Variants in LIMS1 observed in about 807,000 individuals in gnomAD.
The protein encoded by LIMS1 is LIM and senescent cell antigen-like-containing domain protein 1.
Under a neutral mutation model 44.1 loss-of-function variants are expected in LIMS1, and 18 were observed. The observed-to-expected ratio is 0.41, with a 90% CI of 0.28 to 0.61. The LOEUF (loss-of-function observed/expected upper bound fraction) is 0.61, where lower values mean the gene tolerates loss of function less well. Among genes scored for constraint, LIMS1 ranks in the 20% least tolerant of loss-of-function variants. The pLI is 0.32. For synonymous variants in LIMS1, 93 were observed against 149.1 expected, an observed-to-expected ratio of 0.62 and a Z score of 2.74; for missense variants, 201 against 422.0, an observed-to-expected ratio of 0.48 and a Z score of 4.59.
intron 1 of LIMS1, among the ~76,000 whole-genome samples, chr2:108,567,144 A>C (rs1415433570): frequency 6.6e-6 from 1 of 152,242 alleles, no homozygotes; most frequent in East Asian, 1.9e-4. Flanking sequence ...TGATGAGAAC[A>C]AAAAATTGAT....
At chr2:108,551,668 A>G (rs926584352) in intron 1 of LIMS1, among the ~76,000 whole-genome samples, 1 of 142,742 alleles carries the variant, frequency 7.0e-6, no homozygotes, top group East Asian at 2.0e-4. Context: ...GTATATACAC[A>G]TATATACATA....
At chr2:108,666,070 G>A (rs1691735700) in intron 2 of LIMS1, among the ~76,000 whole-genome samples, 1 of 151,378 alleles carries the variant, frequency 6.6e-6, no homozygotes, top group Non-Finnish European at 1.5e-5. Flanking sequence ...GTTCTGCAGT[G>A]GACACCAGCT....
chr2:108,606,601 C>G (rs974270494), intron 1 of LIMS1, among the ~76,000 whole-genome samples: 1 of 152,198 alleles, frequency 6.6e-6, no homozygotes, highest in African/African-American at 2.4e-5. Context: ...CCTACTGTTG[C>G]CAGGCTTGAA....
intron 1 of LIMS1, among the ~76,000 whole-genome samples, chr2:108,567,289 A>G (rs1685325262): frequency 1.3e-5 from 2 of 152,092 alleles, no homozygotes; most frequent in Non-Finnish European, 2.9e-5. Context: ...AAATCGTCGC[A>G]GTGTGAGTGG....
At chr2:108,596,316 G>C (rs2438279) in intron 1 of LIMS1, among the ~76,000 whole-genome samples, 1 of 137,104 alleles carries the variant, frequency 7.3e-6, no homozygotes, top group Non-Finnish European at 1.6e-5. Context: ...GAAAGGGTCC[G>C]TGGAAGATGA....
At chr2:108,655,027 G>C (rs779566336) in intron 1 of LIMS1, 1 of 1,611,820 alleles carries the variant, frequency 6.2e-7, no homozygotes, top group East Asian at 2.2e-5. Flanking sequence ...TCCTGGCTCT[G>C]TGTCCTGCCA....
intron 1 of LIMS1, among the ~76,000 whole-genome samples, chr2:108,594,026 A>G (rs1182431079): frequency 6.6e-6 from 1 of 152,212 alleles, no homozygotes; most frequent in Non-Finnish European, 1.5e-5. Flanking sequence ...TTAAATTCAG[A>G]CAATAGCAGT....
chr2:108,683,539 CAAAAA>C (rs35864001), intron 9 of LIMS1, among the ~76,000 whole-genome samples: 1 of 105,986 alleles, frequency 9.4e-6, no homozygotes, highest in African/African-American at 3.9e-5. Context: ...GCTCTGTTTC[CAAAAA>C]AAAAAAAAAA....
chr2:108,572,403 G>A (rs1685509569), intron 1 of LIMS1, among the ~76,000 whole-genome samples: 1 of 99,694 alleles, frequency 1.0e-5, no homozygotes, highest in Non-Finnish European at 2.0e-5. Flanking sequence ...TTTTTTTTGA[G>A]GCAGAGTCTT....
At chr2:108,604,068 C>T (rs1337227962) in intron 1 of LIMS1, among the ~76,000 whole-genome samples, 1 of 151,878 alleles carries the variant, frequency 6.6e-6, no homozygotes, top group African/African-American at 2.4e-5. Context: ...TTTCATTTTC[C>T]TTAATTTCTT....
intron 1 of LIMS1, among the ~76,000 whole-genome samples, chr2:108,644,795 A>C (rs1268849887): frequency 6.6e-6 from 1 of 152,052 alleles, no homozygotes; most frequent in African/African-American, 2.4e-5. Flanking sequence ...CAGTTTAGAG[A>C]AGAACATAAA....
chr2:108,585,974 A>G (rs1307830105), intron 1 of LIMS1, among the ~76,000 whole-genome samples: 1 of 152,110 alleles, frequency 6.6e-6, no homozygotes. Context: ...CAGGCGAATC[A>G]TGAGGTCAGG....
intron 2 of LIMS1, among the ~76,000 whole-genome samples, chr2:108,667,551 A>ATATATATATATATATAT (rs1553469851): frequency 1.5e-5 from 2 of 130,472 alleles, no homozygotes; most frequent in African/African-American, 5.7e-5. Flanking sequence ...AAAAAAAAAA[A>ATATATATATATATATAT]ATATATATAT....
chr2:108,569,459 A>G (rs1685409026), intron 1 of LIMS1, among the ~76,000 whole-genome samples: 2 of 151,924 alleles, frequency 1.3e-5, no homozygotes, highest in South Asian at 4.2e-4. Context: ...GGAGTTTTAT[A>G]CTTTGGGGAC....
chr2:108,604,936 T>C (rs916662698), intron 1 of LIMS1, among the ~76,000 whole-genome samples: 1 of 152,230 alleles, frequency 6.6e-6, no homozygotes, highest in Non-Finnish European at 1.5e-5. Context: ...TCCAGTTGTC[T>C]GATGATTCCC....
intron 1 of LIMS1, among the ~76,000 whole-genome samples, chr2:108,638,831 C>T (rs1370153273): frequency 6.6e-6 from 1 of 151,542 alleles, no homozygotes; most frequent in Non-Finnish European, 1.5e-5. Flanking sequence ...ATCATGAAGT[C>T]AGGAGATCAA....
chr2:108,656,307 A>G (rs992940615), intron 1 of LIMS1, among the ~76,000 whole-genome samples: 2 of 69,106 alleles, frequency 2.9e-5, no homozygotes, highest in Non-Finnish European at 3.3e-5. Flanking sequence ...ATAAATATCT[A>G]TCTATCTATC....
At chr2:108,596,692 G>A (rs1188348502) in intron 1 of LIMS1, among the ~76,000 whole-genome samples, 1 of 152,258 alleles carries the variant, frequency 6.6e-6, no homozygotes, top group Non-Finnish European at 1.5e-5. Flanking sequence ...GCGTGGTGGT[G>A]CATGCCTGTA....
chr2:108,634,918 CTT>C (rs1374320544), intron 1 of LIMS1, among the ~76,000 whole-genome samples: 1 of 152,186 alleles, frequency 6.6e-6, no homozygotes, highest in African/African-American at 2.4e-5. Flanking sequence ...TTATTCTCCT[CTT>C]GTTCTTGAGG....
Sources: gnomAD v4.1 joint callset for allele counts (sites outside exome capture counted in the v4.1 genomes callset) on GRCh38, gnomAD v4.1.1 for gene constraint, MANE v1.5 for transcripts, NCBI Gene and HGNC (gene_info 2026-07-23, HGNC 2026-07-21) for gene names.